SPOUT1: variants seen among roughly 807,000 people sequenced by gnomAD.
SPOUT1 encodes the protein 28S rRNA (uridine-N(3))-methyltransferase.
A neutral mutation model predicts 54.8 loss-of-function variants in SPOUT1; 40 were observed. The ratio of observed to expected loss-of-function variants is 0.73; its 90% CI spans 0.57 to 0.95. The LOEUF is 0.95. Among genes scored for constraint, SPOUT1 ranks in the 40% least tolerant of loss-of-function variants. The pLI is 0.00. For synonymous variants in SPOUT1, 193 were observed against 200.3 expected (o/e 0.96, Z 0.31); for missense variants, 437 against 499.5 (o/e 0.87, Z 1.19).
rs114639346 is a variant in SPOUT1 at position 128,820,792 on chromosome 9, C to T, written c.*1973G>A. ...ACAACCTGGAGAAATATAGCCGCAGCTTGACCCGCAGCTACCAAAACGTCT... is the reference window on the plus strand; with the variant it reads ...ACAACCTGGAGAAATATAGCCGCAGTTTGACCCGCAGCTACCAAAACGTCT... On this transcript the variant is annotated 3_prime_UTR_variant, in exon 12 of 12. Transcript: ENST00000361256. The T allele has an allele frequency of 6.2e-7, 1 of 1,612,566 alleles. No individual in the cohort carries two copies. Among genetic ancestry groups the T allele is most frequent in the East Asian group, 2.2e-5 (1 of 44,862 alleles).
chr9:128,827,613 G>C (rs1474052082), intron 3 of SPOUT1, among the ~76,000 whole-genome samples: 3 of 152,388 alleles, frequency 2.0e-5, no homozygotes, highest in Admixed American at 2.0e-4. Flanking sequence ...TCAGCCCCGG[G>C]AAGTCAAATA....
chr9:128,826,510 C>A lies in SPOUT1; in HGVS notation c.458+30G>T. The A allele has an allele frequency of 6.2e-7, 1 of 1,610,472 alleles. No homozygotes were observed. The highest frequency in any genetic ancestry group is 8.5e-7 in the Non-Finnish European group (1 of 1,176,874). On this transcript the variant is annotated intron_variant, in intron 5 of 11. Coordinates refer to ENST00000361256, the MANE Select transcript of SPOUT1 (RefSeq NM_016390.4). This position sits in a 1 kb window ranked among gnomAD's most constrained non-coding sequence, Gnocchi z 5.5. The stretch of plus-strand genomic sequence containing the variant: ...CTGGTCTCCACTTTGACACACCCCT[C>A]CCTCATGCTTAGGGGAGTGACCCCC...
rs1830088032 is a variant in SPOUT1 at position 128,820,504 on chromosome 9, GGAGCTGAGAAAA to G, written c.*2249_*2260del. 7 of 533,316 alleles carry G rather than the reference GGAGCTGAGAAAA, an allele frequency of 1.3e-5. No homozygotes were observed. The Admixed American group carries it at 2.2e-4, about 17-fold the overall frequency. 33.0% of individuals were successfully genotyped at this position (533,316 alleles called of 1,614,324 possible). On this transcript the variant is annotated 3_prime_UTR_variant, in exon 12 of 12. Transcript: ENST00000361256. ...AGGCTCTTCCTTCATTCGACTCTTG[GGAGCTGAGAAAA>G]GACTTTGACACCTGGGCTGTGGGAG...
At chr9:128,825,919 G>T in intron 7 of SPOUT1, 103 bp downstream of exon 7, 1 of 1,461,590 alleles carries the variant, frequency 6.8e-7, no homozygotes, top group Non-Finnish European at 9.4e-7. Flanking sequence ...CATCAGTGAG[G>T]GATTTCGGGC....
chr9:128,823,057 C>T (rs1007157532), intron 11 of SPOUT1, among the ~76,000 whole-genome samples: 13 of 152,104 alleles, frequency 8.5e-5, no homozygotes, highest in Admixed American at 7.9e-4. Context: ...AAAATGGGGG[C>T]GAAGGTAACA....
At chr9:128,827,865 G>A (rs1411312663) in intron 3 of SPOUT1, among the ~76,000 whole-genome samples, 2 of 152,232 alleles carry the variant, frequency 1.3e-5, no homozygotes, top group Non-Finnish European at 2.9e-5. Flanking sequence ...AGATTGCAGT[G>A]AGCGGAGATC....
rs1297316191 is a variant in SPOUT1, at chr9:128,824,790, G to T, written c.792C>A (p.Val264=). 1 of 1,613,578 alleles carries T rather than the reference G, an allele frequency of 6.2e-7. No individual in the cohort carries two copies. The highest frequency in any genetic ancestry group is 8.5e-7 in the Non-Finnish European group (1 of 1,179,492). The change falls in exon 9 of 12, where the codon GTC becomes GTA. Residue 264 remains valine, a synonymous_variant. Coordinates refer to ENST00000361256, the MANE Select transcript of SPOUT1 (RefSeq NM_016390.4). ...TKAGLYWGYT[V]RLASCLSAVF... ...CCTTACTGAGGCAGGAAGCCAGTCG[G>T]ACGGTGTAGCCCCAGTAGAGACCAG...
chr9:128,826,112 CTG>C lies in SPOUT1; in HGVS notation c.547_548del (p.Gln183GlyfsTer2). 3 of 1,612,996 alleles carry C rather than the reference CTG, an allele frequency of 1.9e-6. No individual in the cohort carries two copies. The highest frequency in any genetic ancestry group is 2.5e-6 in the Non-Finnish European group (3 of 1,179,412). ...NPLDSPHHMR[Q>X]DEESEFREGI... ...CCTCTCGGAACTCGGATTCCTCATCCTGACGCATGTGGTGGGGGCTGTCCAGG... is the reference window on the plus strand; with the variant it reads ...CCTCTCGGAACTCGGATTCCTCATCCACGCATGTGGTGGGGGCTGTCCAGG... On this transcript the variant is annotated frameshift_variant, in exon 7 of 12. Transcript: ENST00000361256. LOFTEE classifies it high-confidence loss of function. The surrounding 1 kb of genome is among the most constrained non-coding windows in gnomAD (Gnocchi z 5.5).
chr9:128,826,030 T>C lies in SPOUT1; in HGVS notation c.631A>G (p.Met211Val). The C allele has an allele frequency of 6.2e-7, 1 of 1,614,172 alleles. No homozygotes were observed. The highest frequency in any genetic ancestry group is 8.5e-7 in the Non-Finnish European group (1 of 1,180,032). The change falls in exon 7 of 12, where the codon ATG becomes GTG. Residue 211 changes from methionine to valine, a missense_variant. By Grantham distance (21) the Met-to-Val change is conservative. Transcript: ENST00000361256. The surrounding 1 kb of genome is among the most constrained non-coding windows in gnomAD (Gnocchi z 5.5). ...PGHGSFVNCGMKKEVKIDKNL... is the reference protein window; with the variant it reads ...PGHGSFVNCGVKKEVKIDKNL... Reference sequence around the variant, plus strand: ...CATCTTTCTGTTCCTACCTTTTTCATGCCACAGTTGACAAAGGAGCCGTGG... The same window carrying C: ...CATCTTTCTGTTCCTACCTTTTTCACGCCACAGTTGACAAAGGAGCCGTGG...
Position 128,827,069 on chromosome 9 carries a change from C to T in SPOUT1, c.331G>A (p.Glu111Lys). 6.2e-7 allele frequency: 1 copy of T among 1,614,156 alleles called. No homozygotes were observed. The highest frequency in any genetic ancestry group is 8.5e-7 in the Non-Finnish European group (1 of 1,180,038). ...ARACAIFCVD[E>K]IVVFDEEGQD... ...CCCTCCTCATCAAACACCACGATCT[C>T]ATCCACACAGAAGATGGCACAGGCT... Residue 111 changes from glutamate (E) to lysine (K), a missense_variant, in exon 4 of 12, where the codon GAG becomes AAG. By Grantham distance (56) the Glu-to-Lys change is moderately conservative. Transcript: ENST00000361256.
chr9:128,828,752 G>GCCGCTGCCTCCTCCTCTT lies in SPOUT1; in HGVS notation c.173_190dup (p.Glu58_Ala63dup). The stretch of plus-strand genomic sequence containing the variant: ...CAGCTCACCGCGGTCCTCCTTCTCT[G>GCCGCTGCCTCCTCCTCTT]CCGCTGCCTCCTCCTCTTCCAGGCG... On this transcript the variant is annotated inframe_insertion, in exon 3 of 12. Transcript: ENST00000361256. 1 of 1,613,814 alleles carries GCCGCTGCCTCCTCCTCTT rather than the reference G, an allele frequency of 6.2e-7. No individual in the cohort carries two copies. Among genetic ancestry groups the GCCGCTGCCTCCTCCTCTT allele is most frequent in the South Asian group, 1.1e-5 (1 of 91,076 alleles).
Position 128,826,357 on chromosome 9 carries a change from TG to T in SPOUT1, c.508+26del. 4.4e-6 allele frequency: 7 copies of T among 1,608,776 alleles called. No homozygotes were observed. Among genetic ancestry groups the T allele is most frequent in the South Asian group, 1.1e-5 (1 of 90,946 alleles). On this transcript the variant is annotated intron_variant, in intron 6 of 11. Transcript: ENST00000361256. The surrounding 1 kb of genome is among the most constrained non-coding windows in gnomAD (Gnocchi z 5.5). ...TGTCTGTGGCATGATCCAGGGGAAA[TG>T]GGGGGGCGGGCCCATACAGCGTTAC... is the stretch of plus-strand genomic sequence containing the variant.
chr9:128,819,704 A>C lies in SPOUT1; in HGVS notation c.*3061T>G, dbSNP rs1215167996. 6.4e-6 allele frequency: 1 copy of C among 155,132 alleles called. No homozygotes were observed. Among genetic ancestry groups the C allele is most frequent in the African/African-American group, 2.4e-5 (1 of 41,496 alleles). The allele number at this position is 155,132 out of a possible 1,614,324, so 9.6% of individuals were successfully genotyped here. A position where few individuals can be genotyped will look rare whatever the true frequency, so the allele number is the denominator to read the frequency against. On this transcript the variant is annotated 3_prime_UTR_variant, in exon 12 of 12. Coordinates refer to ENST00000361256, the MANE Select transcript of SPOUT1 (RefSeq NM_016390.4). ...ATTATTACATTGTAACATATAGTGA[A>C]ATATACAACTCACAGTAATGTAGGA...
chr9:128,825,979 G>A (rs748683938), intron 7 of SPOUT1, 43 bp downstream of exon 7: 1 of 1,612,236 alleles, frequency 6.2e-7, no homozygotes, highest in Non-Finnish European at 8.5e-7. Context: ...CATTGCCAGG[G>A]TGTGTCCTGG....
Position 128,826,340 on chromosome 9 carries a change from G to C in SPOUT1, c.508+44C>G, listed in dbSNP as rs1333347811. ...GGACTGGGTGGTCTCAGTGTCTGTG[G>C]CATGATCCAGGGGAAATGGGGGGGC... On this transcript the variant is annotated intron_variant, in intron 6 of 11. Transcript: ENST00000361256. The surrounding 1 kb of genome is among the most constrained non-coding windows in gnomAD (Gnocchi z 5.5). The C allele has an allele frequency of 6.2e-7, 1 of 1,604,268 alleles. No individual in the cohort carries two copies. Among genetic ancestry groups the C allele is most frequent in the Admixed American group, 1.7e-5 (1 of 60,004 alleles).
chr9:128,828,840 A>T lies in SPOUT1; in HGVS notation c.103T>A (p.Trp35Arg), dbSNP rs370087122. ...KQQKKEEKKK[W>R]KDLKLMKKLE... ...TTTTTCATCAGCTTGAGATCCTTCC[A>T]TTTTTTTTTCTCCTCTTTCTCTGGA... Residue 35 changes from tryptophan (W) to arginine (R), a missense_variant, in exon 3 of 12, where the codon TGG becomes AGG. Coordinates refer to ENST00000361256, the MANE Select transcript of SPOUT1 (RefSeq NM_016390.4). 1.4e-5 allele frequency: 22 copies of T among 1,596,972 alleles called. 1 individual carries two copies. In the Middle Eastern group the frequency reaches 8.3e-4, roughly 60 times the overall value.
At position 128,829,760 on chromosome 9, in the gene SPOUT1, C is replaced by A; in HGVS notation, c.21G>T (p.Lys7Asn). ...CCGCACTTACCGGGCCGCACGGCCG[C>A]TTCCTGCCGCGCTCCGCCATGTTCC... is the stretch of plus-strand genomic sequence containing the variant. MAERGR[K>N]RPCGPGEHGQ... Residue 7 changes from lysine to asparagine, a missense_variant, in exon 1 of 12, where the codon AAG becomes AAT. Coordinates refer to ENST00000361256, the MANE Select transcript of SPOUT1 (RefSeq NM_016390.4). 1 of 1,602,242 alleles carries A rather than the reference C, an allele frequency of 6.2e-7. No homozygotes were observed. The highest frequency in any genetic ancestry group is 1.3e-5 in the African/African-American group (1 of 74,918).
chr9:128,824,638 G>A, intron 9 of SPOUT1, 133 bp downstream of exon 9: 1 of 665,800 alleles, frequency 1.5e-6, no homozygotes, highest in Non-Finnish European at 2.7e-6. Flanking sequence ...CCAGAGAAGG[G>A]GAAGGACTTG....
In SPOUT1 at chr9:128,822,715, G is replaced by A. The variant is rs1830150482; in HGVS notation, c.*50C>T. On this transcript the variant is annotated 3_prime_UTR_variant, in exon 12 of 12. Transcript: ENST00000361256. ...GCGTCCGTCCCAAGTGACCTGCAGAGCCCCTGGTTTCACTGCTGCTTCACT... is the reference window on the plus strand; with the variant it reads ...GCGTCCGTCCCAAGTGACCTGCAGAACCCCTGGTTTCACTGCTGCTTCACT... 1.9e-6 allele frequency: 3 copies of A among 1,555,552 alleles called. No individual in the cohort carries two copies. Among genetic ancestry groups the A allele is most frequent in the Admixed American group, 3.9e-5 (2 of 51,362 alleles).
Sources: allele counts gnomAD v4.1 joint callset (sites outside exome capture counted in the v4.1 genomes callset), GRCh38; gene constraint gnomAD v4.1.1; non-coding constraint Gnocchi (gnomAD v3.1); transcripts MANE v1.5; gene names NCBI Gene and HGNC (gene_info 2026-07-23, HGNC 2026-07-21).